The following GRIN2A variants were observed in gnomAD, a reference collection of about 807,000 sequenced individuals.
The protein encoded by GRIN2A is glutamate receptor ionotropic, NMDA 2A.
A neutral mutation model predicts 113.4 loss-of-function variants in GRIN2A; 22 were observed. The observed-to-expected ratio is 0.19, with a 90% CI of 0.14 to 0.28. The LOEUF (loss-of-function observed/expected upper bound fraction) is 0.28, where lower values mean the gene tolerates loss of function less well. Ranked by LOEUF, GRIN2A falls within the 10% of genes least tolerant of loss-of-function variation. GRIN2A has a pLI of 1.00. For missense variants in GRIN2A, 1,502 were observed against 1,887.0 expected (o/e 0.80, Z 3.78); for synonymous variants, 827 against 738.4 (o/e 1.12, Z -1.94).
At chr16:10,028,040 G>T (rs746755350) in intron 2 of GRIN2A, among the ~76,000 whole-genome samples, 4 of 152,166 alleles carry the variant, frequency 2.6e-5, no homozygotes, top group African/African-American at 9.7e-5. Flanking sequence ...GGATGTTGCC[G>T]AGTGCCTCTG....
Position 9,891,058 on chromosome 16 carries a change from G to A in GRIN2A, c.1050C>T (p.Phe350=). The change falls in exon 4 of 13, where the codon TTC becomes TTT. Residue 350 remains phenylalanine, a synonymous_variant. Coordinates refer to ENST00000330684, the MANE Select transcript of GRIN2A (RefSeq NM_001134407.3). ...NVTWDGKDLS[F]TEEGYQVHPR... is the part of the protein sequence containing the mutation. ...GGTGCACCTGGTAGCCTTCCTCAGT[G>A]AAGGATAAGTCTTTGCCATCCCATG... The A allele has an allele frequency of 6.2e-7, 1 of 1,613,182 alleles. No individual in the cohort carries two copies. The highest frequency in any genetic ancestry group is 8.5e-7 in the Non-Finnish European group (1 of 1,179,144).
intron 3 of GRIN2A, among the ~76,000 whole-genome samples, chr16:9,894,653 C>G (rs993162629): frequency 6.6e-6 from 1 of 151,456 alleles, no homozygotes; most frequent in East Asian, 1.9e-4. Flanking sequence ...TTCAAAGTAA[C>G]TAATTGAGCC....
At chr16:9,853,245 C>T (rs1464418927) in intron 4 of GRIN2A, among the ~76,000 whole-genome samples, 1 of 152,104 alleles carries the variant, frequency 6.6e-6, no homozygotes, top group Non-Finnish European at 1.5e-5. Flanking sequence ...TTGGGATTTA[C>T]CTTAAGGGTT....
intron 4 of GRIN2A, among the ~76,000 whole-genome samples, chr16:9,853,281 C>T (rs894387727): frequency 9.9e-5 from 15 of 152,174 alleles, no homozygotes; most frequent in Non-Finnish European, 1.9e-4. Context: ...ATTTGCGTCC[C>T]TCCAAAATTC....
intron 4 of GRIN2A, among the ~76,000 whole-genome samples, chr16:9,862,136 C>T (rs181414703): frequency 9.2e-5 from 14 of 152,308 alleles, no homozygotes; most frequent in African/African-American, 3.4e-4. Flanking sequence ...CTATGACTAA[C>T]ATACAGGATT....
intron 2 of GRIN2A, among the ~76,000 whole-genome samples, chr16:10,026,465 T>A (rs2046823930): frequency 6.8e-6 from 1 of 146,438 alleles, no homozygotes; most frequent in Admixed American, 6.7e-5. Context: ...GTACCCAGCA[T>A]AGCCTGTAGG....
At chr16:9,785,539 T>G (rs1476076432) in intron 11 of GRIN2A, among the ~76,000 whole-genome samples, 1 of 151,976 alleles carries the variant, frequency 6.6e-6, no homozygotes, top group Non-Finnish European at 1.5e-5. Flanking sequence ...TGTACACATA[T>G]GTAATAAACC....
intron 2 of GRIN2A, among the ~76,000 whole-genome samples, chr16:10,034,277 C>T (rs1303614332): frequency 1.3e-5 from 2 of 152,074 alleles, no homozygotes; most frequent in African/African-American, 4.8e-5. Flanking sequence ...GTAATCCTAG[C>T]ACTTCGGGAG....
intron 2 of GRIN2A, among the ~76,000 whole-genome samples, chr16:10,146,403 C>A (rs538904679): frequency 6.6e-6 from 1 of 152,300 alleles, no homozygotes; most frequent in East Asian, 1.9e-4. Flanking sequence ...CCACGCCCAG[C>A]CCATTCAACA....
intron 2 of GRIN2A, among the ~76,000 whole-genome samples, chr16:10,128,404 T>G (rs2048990130): frequency 6.6e-6 from 1 of 152,186 alleles, no homozygotes; most frequent in Non-Finnish European, 1.5e-5. Flanking sequence ...GCTACACACT[T>G]AAGGACATTC....
intron 2 of GRIN2A, among the ~76,000 whole-genome samples, chr16:10,030,213 C>G (rs1229263267): frequency 6.6e-6 from 1 of 151,818 alleles, no homozygotes. Flanking sequence ...AAATGTTATA[C>G]AACTCTCATT....
chr16:9,918,939 A>C (rs1209404137), intron 3 of GRIN2A, among the ~76,000 whole-genome samples: 1 of 152,008 alleles, frequency 6.6e-6, no homozygotes, highest in Admixed American at 6.6e-5. Context: ...TTGGGAAGCC[A>C]AAACGGGCAG....
chr16:10,017,517 G>C (rs1482050969), intron 2 of GRIN2A, among the ~76,000 whole-genome samples: 2 of 152,170 alleles, frequency 1.3e-5, no homozygotes, highest in East Asian at 3.9e-4. Context: ...TTAATTGCAA[G>C]TCACTACTCT....
At position 9,772,039 on chromosome 16, in the gene GRIN2A, T is replaced by A. The variant is rs541850660; in HGVS notation, c.2357-2950A>T. Among the ~76,000 whole-genome samples the A allele has an allele frequency of 6.5e-4, 99 of 152,198 alleles. No individual in the cohort carries two copies. In the South Asian group the frequency reaches 7.9e-3, roughly 12 times the overall value. The stretch of plus-strand genomic sequence containing the variant: ...AGCATACATGTTAATGAGTTTTTTT[T>A]TAAAAAAATAGGAAATCCATCCCTT... On this transcript the variant is annotated intron_variant, in intron 11 of 12. Coordinates refer to ENST00000330684, the MANE Select transcript of GRIN2A (RefSeq NM_001134407.3).
intron 4 of GRIN2A, among the ~76,000 whole-genome samples, chr16:9,863,656 G>A (rs1310721582): frequency 6.6e-6 from 1 of 152,188 alleles, no homozygotes; most frequent in Non-Finnish European, 1.5e-5. Context: ...CAACCAAGAG[G>A]AATGTCATTA....
chr16:9,932,731 G>A (rs1359944953), intron 3 of GRIN2A, among the ~76,000 whole-genome samples: 1 of 152,132 alleles, frequency 6.6e-6, no homozygotes, highest in Admixed American at 6.6e-5. Context: ...ACCATTTACA[G>A]ACTGCTTTTC....
chr16:9,819,516 T>C (rs544326734), intron 10 of GRIN2A, among the ~76,000 whole-genome samples: 1 of 148,514 alleles, frequency 6.7e-6, no homozygotes, highest in Non-Finnish European at 1.5e-5. Context: ...AGTGAGACCC[T>C]GTCTGAAAAA....
chr16:9,827,211 G>A (rs560240797), intron 9 of GRIN2A, among the ~76,000 whole-genome samples: 21 of 152,370 alleles, frequency 1.4e-4, no homozygotes, highest in African/African-American at 5.0e-4. Context: ...TTATACGGCT[G>A]GCTGGCGAGT....
intron 2 of GRIN2A, among the ~76,000 whole-genome samples, chr16:10,128,943 T>C (rs1432264970): frequency 6.6e-6 from 1 of 152,240 alleles, no homozygotes; most frequent in East Asian, 1.9e-4. Flanking sequence ...TCAATGCACA[T>C]ATGTGCACGA....
Sources: allele counts gnomAD v4.1 joint callset (sites outside exome capture counted in the v4.1 genomes callset), GRCh38; gene constraint gnomAD v4.1.1; transcripts MANE v1.5; gene names NCBI Gene and HGNC (gene_info 2026-07-23, HGNC 2026-07-21).